RORA: variants seen among roughly 807,000 people sequenced by gnomAD.
The protein encoded by RORA is RAR related orphan receptor A, also known as nuclear receptor ROR-alpha.
RORA carries 7 observed loss-of-function variants against 69.5 expected under a neutral mutation model. The ratio of observed to expected loss-of-function variants is 0.10; its 90% CI spans 0.06 to 0.19. RORA has a LOEUF of 0.19. Among genes scored for constraint, RORA ranks in the 10% least tolerant of loss-of-function variants. The pLI is 1.00. For missense variants in RORA, 457 were observed against 663.0 expected, an observed-to-expected ratio of 0.69 and a Z score of 3.41; for synonymous variants, 261 against 240.8, an observed-to-expected ratio of 1.08 and a Z score of -0.78.
At chr15:60,987,181 A>T (rs997065991) in intron 1 of RORA, among the ~76,000 whole-genome samples, 1 of 152,212 alleles carries the variant, frequency 6.6e-6, no homozygotes, top group Admixed American at 6.5e-5. Context: ...ACATGGGGTT[A>T]TAATGTCTCA....
At chr15:60,980,626 C>G (rs1894017356) in intron 1 of RORA, among the ~76,000 whole-genome samples, 3 of 152,116 alleles carry the variant, frequency 2.0e-5, no homozygotes, top group Middle Eastern at 3.4e-3. Flanking sequence ...ATTTCTAGGA[C>G]TTTGTCCATT....
chr15:61,210,858 C>A (rs1486833742), intron 1 of RORA, among the ~76,000 whole-genome samples: 7 of 152,222 alleles, frequency 4.6e-5, no homozygotes. Context: ...AACAATGCAA[C>A]CTAACCTTCA....
chr15:60,602,365 G>T (rs1229318511), intron 2 of RORA, among the ~76,000 whole-genome samples: 1 of 152,096 alleles, frequency 6.6e-6, no homozygotes, highest in African/African-American at 2.4e-5. Context: ...CTGTTGTCTT[G>T]TTTGTTATAT....
chr15:60,560,507 A>G (rs1447243313), intron 2 of RORA, among the ~76,000 whole-genome samples: 1 of 152,148 alleles, frequency 6.6e-6, no homozygotes, highest in Non-Finnish European at 1.5e-5. Context: ...CAGCCTGGAC[A>G]ATATAGTGAG....
intron 1 of RORA, among the ~76,000 whole-genome samples, chr15:61,168,410 C>T (rs1450293265): frequency 6.6e-6 from 1 of 151,908 alleles, no homozygotes; most frequent in Non-Finnish European, 1.5e-5. Context: ...TGTATTTTTA[C>T]AAAATTACAA....
At chr15:60,741,047 T>G (rs141537788) in intron 1 of RORA, among the ~76,000 whole-genome samples, 228 of 152,348 alleles carry the variant, frequency 1.5e-3, no homozygotes, top group African/African-American at 5.4e-3. Flanking sequence ...AATGCTGTGG[T>G]TTAGAGTGAA....
chr15:61,095,520 TTTGTA>T (rs1308912947), intron 1 of RORA, among the ~76,000 whole-genome samples: 1 of 152,210 alleles, frequency 6.6e-6, no homozygotes, highest in Non-Finnish European at 1.5e-5. Context: ...TCTTGGCTAC[TTTGTA>T]AATATCAACT....
intron 2 of RORA, among the ~76,000 whole-genome samples, chr15:60,665,388 TTTACATGGATAATG>T (rs1292718096): frequency 6.6e-6 from 1 of 152,214 alleles, no homozygotes; most frequent in Non-Finnish European, 1.5e-5. Context: ...GATCATCTGA[TTTACATGGATAATG>T]CAAACAAATG....
chr15:61,059,995 GAAGAAGAAGAAGAAGAAGAAGAAGAAGAA>G (rs2078157449), intron 1 of RORA, among the ~76,000 whole-genome samples: 9 of 108,558 alleles, frequency 8.3e-5, no homozygotes, highest in African/African-American at 2.8e-4. Flanking sequence ...AGAGGAAGAA[GAAGAAGAAGAAGAAGAAGAAGAAGAAGAA>G]GAAGAAGAAG....
chr15:60,906,689 C>A (rs182711584), intron 1 of RORA, among the ~76,000 whole-genome samples: 10 of 152,254 alleles, frequency 6.6e-5, no homozygotes, highest in Non-Finnish European at 1.0e-4. Context: ...CCAGCCCTGG[C>A]CAATCCAGGG....
At chr15:60,734,139 A>G (rs1008322914) in intron 1 of RORA, among the ~76,000 whole-genome samples, 2 of 152,176 alleles carry the variant, frequency 1.3e-5, no homozygotes, top group Non-Finnish European at 2.9e-5. Context: ...CAGGATTTTT[A>G]GTGTTAATTA....
chr15:61,173,698 C>A (rs1409691260), intron 1 of RORA, among the ~76,000 whole-genome samples: 1 of 152,192 alleles, frequency 6.6e-6, no homozygotes, highest in Admixed American at 6.5e-5. Context: ...CTCTGCCACC[C>A]AGGCTGGAGT....
intron 1 of RORA, among the ~76,000 whole-genome samples, chr15:61,074,385 C>A (rs2078416146): frequency 6.6e-6 from 1 of 152,280 alleles, no homozygotes; most frequent in South Asian, 2.1e-4. Context: ...CTACTCTGTC[C>A]CAGACCCTGC....
intron 1 of RORA, among the ~76,000 whole-genome samples, chr15:61,042,675 C>T (rs1896836941): frequency 6.6e-6 from 1 of 152,238 alleles, no homozygotes; most frequent in African/African-American, 2.4e-5. Context: ...GATGCCAGTG[C>T]ATGAACCAGC....
intron 1 of RORA, among the ~76,000 whole-genome samples, chr15:60,964,703 C>A (rs1300801277): frequency 1.3e-5 from 2 of 152,164 alleles, no homozygotes; most frequent in African/African-American, 2.4e-5. Flanking sequence ...GAGCAGTTGC[C>A]AAGGGAGCTT....
intron 1 of RORA, among the ~76,000 whole-genome samples, chr15:61,059,597 C>G (rs571428495): frequency 4.6e-4 from 70 of 152,200 alleles, no homozygotes; most frequent in African/African-American, 1.7e-3. Flanking sequence ...ATTGCCATTT[C>G]TATCAACAGA....
In RORA at chr15:60,825,576, ACAGT is replaced by A. The variant is rs2072945145; in HGVS notation, c.167-146894_167-146891del. 3.3e-5 allele frequency among the ~76,000 whole-genome samples: 5 copies of A among 152,232 alleles called. No homozygotes were observed. In the South Asian group the frequency reaches 1.0e-3, roughly 32 times the overall value. ...ATTATAGTGAAATCCTAGCATATAC[ACAGT>A]CAGCACCAAGTAGGCCTGCTTCCCC... On this transcript the variant is annotated intron_variant, in intron 1 of 10. Coordinates refer to ENST00000335670, the MANE Select transcript of RORA (RefSeq NM_134261.3).
At chr15:60,788,485 A>G (rs1324700322) in intron 1 of RORA, among the ~76,000 whole-genome samples, 1 of 152,102 alleles carries the variant, frequency 6.6e-6, no homozygotes, top group Non-Finnish European at 1.5e-5. Flanking sequence ...TGCTTGACCT[A>G]TCATCTTTCT....
chr15:60,556,910 C>G (rs1416508823), intron 2 of RORA: 1 of 1,613,542 alleles, frequency 6.2e-7, no homozygotes, highest in Non-Finnish European at 8.5e-7. Flanking sequence ...GGTGGCTTGC[C>G]ATTCTGCCTC....
Sources: allele counts gnomAD v4.1 joint callset (sites outside exome capture counted in the v4.1 genomes callset), GRCh38; gene constraint gnomAD v4.1.1; transcripts MANE v1.5; gene names NCBI Gene and HGNC (gene_info 2026-07-23, HGNC 2026-07-21).